The following CD55 variants were observed in gnomAD, a reference collection of about 807,000 sequenced individuals.
CD55 encodes CD55 molecule (Cromer blood group).
A neutral mutation model predicts 45.8 loss-of-function variants in CD55; 41 were observed. The ratio of observed to expected loss-of-function variants is 0.90; its 90% CI spans 0.70 to 1.16. The LOEUF (loss-of-function observed/expected upper bound fraction) is 1.16, where lower values mean the gene tolerates loss of function less well. CD55 is among the 50% of genes most tolerant of loss of function. CD55 has a pLI of 0.00. For missense variants in CD55, 416 were observed against 469.8 expected (o/e 0.89, Z 1.06); for synonymous variants, 181 against 181.1 (o/e 1.00, Z 0.01).
chr1:207,331,075 T>C, intron 5 of CD55, 33 bp from the exon 6 acceptor site: 1 of 1,455,538 alleles, frequency 6.9e-7, no homozygotes, highest in Non-Finnish European at 9.5e-7. Context: ...ACTAGTTTTA[T>C]TTATTTAAAA....
At chr1:207,343,360 GTT>G (rs1222425775) in intron 9 of CD55, among the ~76,000 whole-genome samples, 2 of 151,948 alleles carry the variant, frequency 1.3e-5, no homozygotes, top group Non-Finnish European at 2.9e-5. Flanking sequence ...TGTCTGATAA[GTT>G]TTGCTACACT....
At chr1:207,345,886 G>A (rs1257727) in intron 9 of CD55, among the ~76,000 whole-genome samples, 151,418 of 152,334 alleles carry the variant, frequency 0.99, 75,262 homozygotes, top group Non-Finnish European at 1. Flanking sequence ...TTTAGGATGC[G>A]GTTACTAGTG....
At chr1:207,356,982 T>C (rs2102448642) in intron 9 of CD55, among the ~76,000 whole-genome samples, 1 of 152,342 alleles carries the variant, frequency 6.6e-6, no homozygotes, top group East Asian at 1.9e-4. Context: ...TTCCCATTAA[T>C]AAGAAAACTA....
rs546162422 is a variant in CD55 at position 207,357,296 on chromosome 1, A to G, written c.1082-2250A>G. Among the ~76,000 whole-genome samples the G allele has an allele frequency of 2.6e-5, 4 of 152,196 alleles. No homozygotes were observed. In the East Asian group the frequency reaches 7.7e-4, roughly 29 times the overall value. On this transcript the variant is annotated intron_variant, in intron 9 of 9. Coordinates refer to ENST00000367064, the MANE Select transcript of CD55 (RefSeq NM_000574.5). ...AACTTTTTCTCCAGATATATCAGAA[A>G]CGTTTTAGGAATGTGATTTAGAGCC... is the stretch of plus-strand genomic sequence containing the variant.
chr1:207,341,074 G>A (rs1402953222), intron 9 of CD55, among the ~76,000 whole-genome samples: 2 of 152,160 alleles, frequency 1.3e-5, no homozygotes, highest in Non-Finnish European at 2.9e-5. Context: ...TATACCTGCT[G>A]AGAAATGTCT....
Position 207,350,061 on chromosome 1 carries a change from A to G in CD55, c.1082-9485A>G, listed in dbSNP as rs117942703. On this transcript the variant is annotated intron_variant, in intron 9 of 9. Coordinates refer to ENST00000367064, the MANE Select transcript of CD55 (RefSeq NM_000574.5). Reference sequence around the variant, plus strand: ...ATGCCTAGTTTGTTGATGACTTTTAACATGAAGGGATGTTGAATGTTGTCA... The same window carrying G: ...ATGCCTAGTTTGTTGATGACTTTTAGCATGAAGGGATGTTGAATGTTGTCA... The G allele has an allele frequency of 9.3e-4, 422 of 453,140 alleles. 5 individuals carry two copies. In the East Asian group the frequency reaches 0.023, roughly 25 times the overall value. 28.1% of individuals were successfully genotyped at this position (453,140 alleles called of 1,614,324 possible).
At chr1:207,322,701 G>A (rs1654479749) in intron 2 of CD55, 134 bp downstream of exon 2, 1 of 695,754 alleles carries the variant, frequency 1.4e-6, no homozygotes, top group Non-Finnish European at 2.3e-6. Flanking sequence ...CTGTTGGCAC[G>A]TCACACTCCA....
intron 6 of CD55, among the ~76,000 whole-genome samples, chr1:207,333,944 G>A (rs1320928397): frequency 1.3e-5 from 2 of 152,062 alleles, no homozygotes; most frequent in African/African-American, 4.8e-5. Flanking sequence ...AAAAGGAAGA[G>A]GGGAAGGAGG....
At chr1:207,339,374 C>CT in intron 8 of CD55, 23 bp from the exon 9 acceptor site, 6 of 1,595,486 alleles carry the variant, frequency 3.8e-6, no homozygotes, top group African/African-American at 2.7e-5. Context: ...GTTGTTAATC[C>CT]TTTTTTTCCC....
In CD55 at chr1:207,359,696, A is replaced by G. The variant is rs768644578; in HGVS notation, c.*86A>G. ...CTTATCTGCATATTGGATAAAATAA[A>G]TGCAATTGTGCTCTTCATTTAGGAT... On this transcript the variant is annotated 3_prime_UTR_variant, in exon 10 of 10. Transcript: ENST00000367064. The G allele has an allele frequency of 6.7e-7, 1 of 1,490,810 alleles. No homozygotes were observed. The highest frequency in any genetic ancestry group is 2.5e-5 in the Admixed American group (1 of 40,270). 92.3% of individuals were successfully genotyped at this position (1,490,810 alleles called of 1,614,324 possible).
At chr1:207,339,942 A>T (rs181076061) in intron 9 of CD55, among the ~76,000 whole-genome samples, 2 of 152,194 alleles carry the variant, frequency 1.3e-5, no homozygotes, top group East Asian at 1.9e-4. Flanking sequence ...CATCACCTTG[A>T]GTATTATTTT....
chr1:207,341,428 G>A (rs774528250), intron 9 of CD55, among the ~76,000 whole-genome samples: 63 of 152,016 alleles, frequency 4.1e-4, no homozygotes, highest in Middle Eastern at 3.4e-3. Context: ...TAATCATCTC[G>A]ATTTGATTTT....
chr1:207,327,708 T>G (rs1029526707), intron 5 of CD55, among the ~76,000 whole-genome samples: 2 of 152,092 alleles, frequency 1.3e-5, no homozygotes, highest in Admixed American at 6.6e-5. Context: ...TAGAGTAGAT[T>G]TAGTGTAATT....
rs1654415900 is a variant in CD55 at position 207,321,814 on chromosome 1, G to C, written c.49G>C (p.Glu17Gln). ...SVPAALPLLG[E>Q]LPRLLLLVLL... ...GCCCGCGGCGCTGCCCCTCCTCGGG[G>C]AGCTGCCCCGGCTGCTGCTGCTGGT... The change falls in exon 1 of 10, where the codon GAG becomes CAG. Residue 17 changes from glutamate to glutamine, a missense_variant. Glu to Gln is a conservative substitution (Grantham distance 29). This residue lies in a region of CD55 where 123 missense variants were observed against 105.1 expected (regional missense o/e 1.17). Coordinates refer to ENST00000367064, the MANE Select transcript of CD55 (RefSeq NM_000574.5). 1 of 1,528,942 alleles carries C rather than the reference G, an allele frequency of 6.5e-7. No individual in the cohort carries two copies. The highest frequency in any genetic ancestry group is 1.2e-5 in the South Asian group (1 of 83,558). 94.7% of individuals were successfully genotyped at this position (1,528,942 alleles called of 1,614,324 possible). A position where few individuals can be genotyped will look rare whatever the true frequency, so the allele number is the denominator to read the frequency against.
chr1:207,322,239 C>T (rs1218641266), intron 1 of CD55, 143 bp from the exon 2 acceptor site: 1 of 775,414 alleles, frequency 1.3e-6, no homozygotes, highest in Non-Finnish European at 2.3e-6. Flanking sequence ...TCGACAGAGT[C>T]CAGCCGTGTG....
intron 5 of CD55, among the ~76,000 whole-genome samples, chr1:207,328,171 G>T (rs2102388968): frequency 6.6e-6 from 1 of 152,252 alleles, no homozygotes; most frequent in South Asian, 2.1e-4. Flanking sequence ...CCTATCTGGT[G>T]TCTTGAACTC....
intron 5 of CD55, among the ~76,000 whole-genome samples, chr1:207,327,967 A>G (rs1024998122): frequency 6.6e-6 from 1 of 152,202 alleles, no homozygotes; most frequent in Non-Finnish European, 1.5e-5. Flanking sequence ...AAATGATAGT[A>G]AATTAAAGAT....
At position 207,337,427 on chromosome 1, in the gene CD55, A is replaced by T. The variant is rs1215144791; in HGVS notation, c.1060+18A>T. 1 of 1,348,498 alleles carries T rather than the reference A, an allele frequency of 7.4e-7. No homozygotes were observed. Among genetic ancestry groups the T allele is most frequent in the Non-Finnish European group, 1.1e-6 (1 of 937,628 alleles). 83.5% of individuals were successfully genotyped at this position (1,348,498 alleles called of 1,614,324 possible). The stretch of plus-strand genomic sequence containing the variant: ...CACTTCAGGTCAGTTGACACTGTTC[A>T]GGTTTACTGAGTATGGATCTAATGT... On this transcript the variant is annotated intron_variant, in intron 8 of 9. Coordinates refer to ENST00000367064, the MANE Select transcript of CD55 (RefSeq NM_000574.5).
intron 4 of CD55, 74 bp downstream of exon 4, chr1:207,325,795 G>T (rs1193522233): frequency 2.5e-5 from 20 of 813,724 alleles, no homozygotes; most frequent in Non-Finnish European, 3.9e-5. Flanking sequence ...GAGATTGTTA[G>T]TTTCATGACT....
Sources: gnomAD v4.1 joint callset for allele counts (sites outside exome capture counted in the v4.1 genomes callset) on GRCh38, gnomAD v4.1.1 for gene constraint, gnomAD v4.1.1 regional missense constraint, MANE v1.5 for transcripts, NCBI Gene and HGNC (gene_info 2026-07-23, HGNC 2026-07-21) for gene names.